The following PHACTR1 variants were observed in gnomAD, a reference collection of about 807,000 sequenced individuals.
PHACTR1 encodes the protein RPEL repeat containing 1.
In PHACTR1, 16 loss-of-function variants were observed where a neutral mutation model predicts 69.2. The observed-to-expected ratio is 0.23, with a 90% CI of 0.16 to 0.35. PHACTR1 has a LOEUF of 0.35. PHACTR1 is among the 10% of genes least tolerant of loss of function. PHACTR1 has a pLI of 1.00. For synonymous variants in PHACTR1, 312 were observed against 284.5 expected (o/e 1.10, Z -0.97); for missense variants, 510 against 734.7 (o/e 0.69, Z 3.54).
At chr6:12,856,992 C>T (rs760055931) in intron 4 of PHACTR1, among the ~76,000 whole-genome samples, 6 of 152,092 alleles carry the variant, frequency 3.9e-5, no homozygotes, top group Non-Finnish European at 5.9e-5. Context: ...TCTTTTGAAA[C>T]GGGGGGTTAT....
chr6:13,158,177 C>G (rs757232805), intron 5 of PHACTR1, among the ~76,000 whole-genome samples: 1 of 151,904 alleles, frequency 6.6e-6, no homozygotes, highest in Non-Finnish European at 1.5e-5. Context: ...CCCCCGCGCC[C>G]GGCTGCTTAG....
At chr6:12,971,064 G>A (rs959111751) in intron 4 of PHACTR1, among the ~76,000 whole-genome samples, 2 of 152,180 alleles carry the variant, frequency 1.3e-5, no homozygotes, top group African/African-American at 4.8e-5. Flanking sequence ...TAGTCATGAA[G>A]TGTTTCCTGT....
chr6:13,247,820 T>C (rs1018956344), intron 10 of PHACTR1, among the ~76,000 whole-genome samples: 1 of 152,002 alleles, frequency 6.6e-6, no homozygotes, highest in Non-Finnish European at 1.5e-5. Flanking sequence ...AACCTGTGAA[T>C]AGCCACTGCA....
At chr6:12,909,407 C>T (rs1359729880) in intron 4 of PHACTR1, among the ~76,000 whole-genome samples, 6 of 152,210 alleles carry the variant, frequency 3.9e-5, no homozygotes, top group African/African-American at 1.2e-4. Flanking sequence ...ACAGCTATGG[C>T]TTCCTTTATC....
At chr6:13,119,895 C>T (rs538896627) in intron 5 of PHACTR1, among the ~76,000 whole-genome samples, 6 of 152,290 alleles carry the variant, frequency 3.9e-5, no homozygotes, top group East Asian at 3.9e-4. Flanking sequence ...GTGGTAAGAG[C>T]GTGTGCCACA....
intron 4 of PHACTR1, among the ~76,000 whole-genome samples, chr6:12,984,711 T>G (rs939086776): frequency 1.3e-5 from 2 of 152,190 alleles, no homozygotes; most frequent in East Asian, 1.9e-4. Flanking sequence ...TTAAAATAAT[T>G]TTGGGATCAT....
intron 3 of PHACTR1, among the ~76,000 whole-genome samples, chr6:12,735,445 G>C (rs910903115): frequency 6.6e-6 from 1 of 152,176 alleles, no homozygotes; most frequent in Non-Finnish European, 1.5e-5. Context: ...TTGGAAGCTG[G>C]CTACCACAAT....
chr6:12,749,601 TTCCGCCTCTCTCCCTC>T (rs1486395363), intron 3 of PHACTR1, 27 bp from the exon 4 acceptor site: 13 of 1,161,036 alleles, frequency 1.1e-5, no homozygotes, highest in Non-Finnish European at 1.3e-5. Flanking sequence ...CTCCTCCCCC[TTCCGCCTCTCTCCCTC>T]TCCCTCCGTC....
At chr6:13,124,756 G>T (rs1457825488) in intron 5 of PHACTR1, among the ~76,000 whole-genome samples, 1 of 152,170 alleles carries the variant, frequency 6.6e-6, no homozygotes, top group Non-Finnish European at 1.5e-5. Context: ...TCTCTCTTTG[G>T]CTTGCAAACA....
chr6:13,192,081 G>C (rs541282215), intron 7 of PHACTR1, among the ~76,000 whole-genome samples: 1 of 152,328 alleles, frequency 6.6e-6, no homozygotes, highest in Admixed American at 6.5e-5. Context: ...TTCAATGCCT[G>C]CTATGTGCAA....
At chr6:13,170,441 A>G (rs1468890003) in intron 6 of PHACTR1, among the ~76,000 whole-genome samples, 2 of 152,136 alleles carry the variant, frequency 1.3e-5, no homozygotes, top group African/African-American at 4.8e-5. Context: ...GTGGGCATCA[A>G]TGCCTCATCC....
intron 5 of PHACTR1, among the ~76,000 whole-genome samples, chr6:13,151,518 G>A (rs1824304231): frequency 6.6e-6 from 1 of 152,208 alleles, no homozygotes; most frequent in Non-Finnish European, 1.5e-5. Flanking sequence ...GAACAAGTAT[G>A]AACACAGTAG....
rs533242812 is a variant in PHACTR1 at position 12,815,871 on chromosome 6, T to C, written c.250+66081T>C. Among the ~76,000 whole-genome samples the C allele has an allele frequency of 4.0e-3, 613 of 152,362 alleles. 4 individuals are homozygous for C. Among genetic ancestry groups the C allele is most frequent in the African/African-American group, 0.014 (592 of 41,582 alleles). On this transcript the variant is annotated intron_variant, in intron 4 of 14. Coordinates refer to ENST00000332995, the MANE Select transcript of PHACTR1 (RefSeq NM_030948.6). ...AAAAGTCCTTTTTCTTCTCCTGGTG[T>C]GTGTCCATCTTCTAGGGGAACAAGG...
At chr6:12,788,350 T>C (rs1306555300) in intron 4 of PHACTR1, among the ~76,000 whole-genome samples, 1 of 152,160 alleles carries the variant, frequency 6.6e-6, no homozygotes, top group East Asian at 1.9e-4. Flanking sequence ...AGAGAAATAT[T>C]ATCTTATCAG....
At chr6:13,063,125 A>G (rs1807939338) in intron 5 of PHACTR1, among the ~76,000 whole-genome samples, 1 of 152,208 alleles carries the variant, frequency 6.6e-6, no homozygotes, top group Admixed American at 6.5e-5. Flanking sequence ...CCAGCTTACC[A>G]TATTGAATGT....
At chr6:13,065,405 G>A (rs1808471946) in intron 5 of PHACTR1, among the ~76,000 whole-genome samples, 2 of 151,984 alleles carry the variant, frequency 1.3e-5, no homozygotes, top group African/African-American at 2.4e-5. Context: ...AGAGGAGAGA[G>A]TTTCAGAAAG....
At chr6:13,173,624 A>G (rs1042864757) in intron 6 of PHACTR1, among the ~76,000 whole-genome samples, 7 of 152,230 alleles carry the variant, frequency 4.6e-5, no homozygotes, top group Admixed American at 3.9e-4. Flanking sequence ...CTATCGGGGC[A>G]ACTGGCAGCT....
intron 4 of PHACTR1, among the ~76,000 whole-genome samples, chr6:12,863,273 C>T (rs955907417): frequency 6.6e-6 from 1 of 152,170 alleles, no homozygotes; most frequent in Non-Finnish European, 1.5e-5. Context: ...AGGTGCTAGC[C>T]CCCTTGAGGG....
intron 4 of PHACTR1, among the ~76,000 whole-genome samples, chr6:13,004,502 A>G (rs1311941201): frequency 6.6e-6 from 1 of 151,846 alleles, no homozygotes; most frequent in Non-Finnish European, 1.5e-5. Context: ...TTGTTATTTG[A>G]GTTCTTTGTA....
Sources: allele counts gnomAD v4.1 joint callset (sites outside exome capture counted in the v4.1 genomes callset), GRCh38; gene constraint gnomAD v4.1.1; transcripts MANE v1.5; gene names NCBI Gene and HGNC (gene_info 2026-07-23, HGNC 2026-07-21).